EGFLAM: variants seen among roughly 807,000 people sequenced by gnomAD.
The protein encoded by EGFLAM is EGF like, fibronectin type III and laminin G domains, also known as pikachurin.
A neutral mutation model predicts 113.1 loss-of-function variants in EGFLAM; 79 were observed. The observed-to-expected ratio is 0.70, with a 90% confidence interval of 0.58 to 0.84. EGFLAM has a LOEUF of 0.84. Ranked by LOEUF, EGFLAM falls within the 40% of genes least tolerant of loss-of-function variation. EGFLAM has a pLI of 0.00. For synonymous variants in EGFLAM, 504 were observed against 487.6 expected, an observed-to-expected ratio of 1.03 and a Z score of -0.44; for missense variants, 1,265 against 1,291.6, an observed-to-expected ratio of 0.98 and a Z score of 0.32.
intron 6 of EGFLAM, among the ~76,000 whole-genome samples, chr5:38,388,507 G>C (rs1484134627): frequency 1.3e-5 from 2 of 152,018 alleles, no homozygotes; most frequent in Non-Finnish European, 2.9e-5. Context: ...ACTTTGGAAG[G>C]CCAAGGCAGG....
intron 1 of EGFLAM, among the ~76,000 whole-genome samples, chr5:38,259,752 A>G (rs1757452080): frequency 6.6e-6 from 1 of 152,244 alleles, no homozygotes; most frequent in East Asian, 1.9e-4. Flanking sequence ...TATCTTATGA[A>G]CAATGGAAAA....
chr5:38,307,057 C>G (rs1026936932), intron 1 of EGFLAM, among the ~76,000 whole-genome samples: 1 of 152,116 alleles, frequency 6.6e-6, no homozygotes, highest in African/African-American at 2.4e-5. Context: ...AGTGGATCCT[C>G]CAGTCATAGT....
intron 4 of EGFLAM, among the ~76,000 whole-genome samples, chr5:38,351,382 C>T (rs569951212): frequency 1.3e-5 from 2 of 152,178 alleles, no homozygotes; most frequent in Admixed American, 6.5e-5. Context: ...ACTGGGATTA[C>T]AGGCGTAAGC....
intron 1 of EGFLAM, among the ~76,000 whole-genome samples, chr5:38,276,401 C>A (rs1360787204): frequency 6.6e-6 from 1 of 152,084 alleles, no homozygotes; most frequent in Non-Finnish European, 1.5e-5. Flanking sequence ...TACAACATAT[C>A]AAAGCCTATA....
intron 11 of EGFLAM, among the ~76,000 whole-genome samples, chr5:38,417,361 A>C (rs553541347): frequency 0.012 from 1,788 of 149,008 alleles, 25 homozygotes; most frequent in Admixed American, 0.018. Flanking sequence ...AAAAAAAAAA[A>C]AAAAAAAACA....
chr5:38,295,621 A>G (rs979465348), intron 1 of EGFLAM, among the ~76,000 whole-genome samples: 1 of 152,182 alleles, frequency 6.6e-6, no homozygotes, highest in Non-Finnish European at 1.5e-5. Flanking sequence ...TTAAACTAGA[A>G]TGGATAGGTA....
chr5:38,440,576 G>A (rs1032545368), intron 17 of EGFLAM, among the ~76,000 whole-genome samples: 6 of 152,148 alleles, frequency 3.9e-5, no homozygotes, highest in Non-Finnish European at 5.9e-5. Flanking sequence ...GAAAGTTTGC[G>A]TAAATCCTTG....
intron 14 of EGFLAM, among the ~76,000 whole-genome samples, chr5:38,428,544 A>C (rs903923977): frequency 6.6e-6 from 1 of 152,256 alleles, no homozygotes; most frequent in Non-Finnish European, 1.5e-5. Flanking sequence ...TTAGAACTGT[A>C]TGTCAAGTTG....
At chr5:38,360,248 A>T (rs1418330838) in intron 5 of EGFLAM, among the ~76,000 whole-genome samples, 1 of 152,202 alleles carries the variant, frequency 6.6e-6, no homozygotes, top group Non-Finnish European at 1.5e-5. Flanking sequence ...TCAAGGTCAA[A>T]AGCTGTGAAG....
chr5:38,265,973 C>T (rs1340311307), intron 1 of EGFLAM, among the ~76,000 whole-genome samples: 1 of 152,236 alleles, frequency 6.6e-6, no homozygotes, highest in Non-Finnish European at 1.5e-5. Context: ...CTGATCTTCA[C>T]TGCTTCATAC....
chr5:38,412,365 G>A, intron 10 of EGFLAM, 139 bp from the exon 11 acceptor site: 1 of 1,263,100 alleles, frequency 7.9e-7, no homozygotes, highest in Non-Finnish European at 1.1e-6. Flanking sequence ...GATTTCAACA[G>A]CACTTGATAT....
chr5:38,435,028 T>A (rs2956598), intron 15 of EGFLAM, 109 bp from the exon 16 acceptor site: 14 of 849,362 alleles, frequency 1.6e-5, no homozygotes, highest in African/African-American at 8.4e-5. Flanking sequence ...GATGGGTCTC[T>A]AGGCTCTGTC....
Position 38,332,492 on chromosome 5 carries a change from C to A in EGFLAM, c.98-5028C>A, listed in dbSNP as rs190353763. 2.0e-5 allele frequency among the ~76,000 whole-genome samples: 3 copies of A among 152,258 alleles called. No individual in the cohort carries two copies. The East Asian group carries it at 5.8e-4, about 29-fold the overall frequency. ...CGAGACCAGCTTGGTTGGGGAGACC[C>A]TAACCCAGCAGCGCTAGATGAATTA... On this transcript the variant is annotated intron_variant, in intron 1 of 21. Coordinates refer to ENST00000322350, the MANE Select transcript of EGFLAM (RefSeq NM_152403.4).
At position 38,344,988 on chromosome 5, in the gene EGFLAM, G is replaced by A. The variant is rs561731178; in HGVS notation, c.292-5513G>A. ...ATTCTATTATGAGAAAGGAGAGAAT[G>A]GATACTGAGAGACGAGTCATCCAGG... On this transcript the variant is annotated intron_variant, in intron 3 of 21. Coordinates refer to ENST00000322350, the MANE Select transcript of EGFLAM (RefSeq NM_152403.4). Among the ~76,000 whole-genome samples, 11 of 152,306 alleles carry A rather than the reference G, an allele frequency of 7.2e-5. No individual in the cohort carries two copies. In the South Asian group the frequency reaches 2.3e-3, roughly 32 times the overall value.
chr5:38,329,505 T>C (rs1738985606), intron 1 of EGFLAM, among the ~76,000 whole-genome samples: 1 of 152,076 alleles, frequency 6.6e-6, no homozygotes, highest in Admixed American at 6.5e-5. Context: ...GTGGTCAAGC[T>C]GAGTCACTTC....
At chr5:38,439,631 T>A (rs192332883) in intron 17 of EGFLAM, among the ~76,000 whole-genome samples, 2 of 152,224 alleles carry the variant, frequency 1.3e-5, no homozygotes, top group Non-Finnish European at 2.9e-5. Context: ...GTATTTCTTA[T>A]GTTTAAATGA....
chr5:38,319,579 G>C (rs920713108), intron 1 of EGFLAM, among the ~76,000 whole-genome samples: 1 of 152,182 alleles, frequency 6.6e-6, no homozygotes, highest in Non-Finnish European at 1.5e-5. Context: ...GTCATATCTG[G>C]AACACAGAGA....
At chr5:38,322,741 T>C (rs898126521) in intron 1 of EGFLAM, among the ~76,000 whole-genome samples, 9 of 152,198 alleles carry the variant, frequency 5.9e-5, no homozygotes, top group African/African-American at 2.2e-4. Flanking sequence ...CAAACTACTC[T>C]TTGGAATTGC....
At chr5:38,365,862 G>A (rs919565233) in intron 5 of EGFLAM, among the ~76,000 whole-genome samples, 7 of 152,186 alleles carry the variant, frequency 4.6e-5, no homozygotes, top group African/African-American at 1.7e-4. Flanking sequence ...CCCTGATCAG[G>A]AAGTCACTTG....
Sources: gnomAD v4.1 joint callset for allele counts (sites outside exome capture counted in the v4.1 genomes callset) on GRCh38, gnomAD v4.1.1 for gene constraint, MANE v1.5 for transcripts, NCBI Gene and HGNC (gene_info 2026-07-23, HGNC 2026-07-21) for gene names.